COMMD10: variants seen among roughly 807,000 people sequenced by gnomAD.
COMMD10 encodes COMM domain containing 10, also known as COMM domain-containing protein 10.
A neutral mutation model predicts 28.9 loss-of-function variants in COMMD10; 33 were observed. The observed-to-expected ratio is 1.14, with a 90% CI of 0.87 to 1.53. COMMD10 has a LOEUF of 1.53. Ranked by LOEUF, COMMD10 falls within the 40% of genes most tolerant of loss-of-function variation. COMMD10 has a pLI of 0.00. For synonymous variants in COMMD10, 110 were observed against 81.7 expected (o/e 1.35, Z -1.87); for missense variants, 310 against 233.4 (o/e 1.33, Z -2.14).
intron 5 of COMMD10, among the ~76,000 whole-genome samples, chr5:116,220,350 C>G (rs985055484): frequency 1.3e-5 from 2 of 152,112 alleles, no homozygotes; most frequent in African/African-American, 4.8e-5. Flanking sequence ...TAAAGGAATT[C>G]TAAGCCCCTA....
chr5:116,165,683 T>C (rs1225531747), intron 5 of COMMD10, among the ~76,000 whole-genome samples: 3 of 151,170 alleles, frequency 2.0e-5, no homozygotes, highest in African/African-American at 7.4e-5. Flanking sequence ...CTCTGGTGTC[T>C]CTTATTGTTT....
At chr5:116,109,841 C>T (rs1750983520) in intron 4 of COMMD10, among the ~76,000 whole-genome samples, 1 of 152,178 alleles carries the variant, frequency 6.6e-6, no homozygotes, top group Non-Finnish European at 1.5e-5. Context: ...ATTTTACTTT[C>T]TCTTTTCCCA....
chr5:116,086,559 A>G (rs1192210898), intron 1 of COMMD10, among the ~76,000 whole-genome samples: 1 of 151,992 alleles, frequency 6.6e-6, no homozygotes, highest in Non-Finnish European at 1.5e-5. Flanking sequence ...CCTGTGTTCA[A>G]GCGATTCTCC....
intron 5 of COMMD10, among the ~76,000 whole-genome samples, chr5:116,241,494 G>C (rs192569061): frequency 1.3e-5 from 2 of 152,028 alleles, no homozygotes. Flanking sequence ...CAGACTGTAC[G>C]TAAGAATACT....
intron 5 of COMMD10, among the ~76,000 whole-genome samples, chr5:116,158,649 C>G (rs573063817): frequency 2.8e-4 from 43 of 151,738 alleles, no homozygotes; most frequent in African/African-American, 9.9e-4. Context: ...GACAGCAAAA[C>G]TTTTAAAATT....
At chr5:116,202,883 T>A (rs1372686407) in intron 5 of COMMD10, among the ~76,000 whole-genome samples, 1 of 152,132 alleles carries the variant, frequency 6.6e-6, no homozygotes, top group Non-Finnish European at 1.5e-5. Flanking sequence ...AGAAGCTCTT[T>A]GGTTTAATTA....
intron 5 of COMMD10, among the ~76,000 whole-genome samples, chr5:116,236,034 A>G (rs1168068365): frequency 1.3e-5 from 2 of 152,136 alleles, no homozygotes; most frequent in Non-Finnish European, 2.9e-5. Context: ...GCATTATGTT[A>G]CTTAGAAATA....
At chr5:116,126,813 A>T (rs748230806) in intron 4 of COMMD10, among the ~76,000 whole-genome samples, 1 of 152,232 alleles carries the variant, frequency 6.6e-6, no homozygotes, top group African/African-American at 2.4e-5. Context: ...ACCTAAAACC[A>T]TAAAAACCCT....
intron 5 of COMMD10, among the ~76,000 whole-genome samples, chr5:116,253,331 A>G (rs1194278642): frequency 6.9e-6 from 1 of 144,646 alleles, no homozygotes; most frequent in Admixed American, 6.8e-5. Context: ...TTCCAACACT[A>G]TGTTGAATAG....
At chr5:116,094,205 G>T (rs577914456) in intron 4 of COMMD10, among the ~76,000 whole-genome samples, 1 of 152,106 alleles carries the variant, frequency 6.6e-6, no homozygotes, top group African/African-American at 2.4e-5. Context: ...CTGTACATTA[G>T]AGGAAACAAT....
intron 5 of COMMD10, among the ~76,000 whole-genome samples, chr5:116,268,096 A>C (rs911596108): frequency 6.6e-6 from 1 of 151,904 alleles, no homozygotes; most frequent in African/African-American, 2.4e-5. Flanking sequence ...AAAATTGACA[A>C]ATGGGATCTA....
intron 5 of COMMD10, among the ~76,000 whole-genome samples, chr5:116,275,725 T>C (rs1270624433): frequency 3.3e-5 from 5 of 151,620 alleles, no homozygotes; most frequent in African/African-American, 1.2e-4. Flanking sequence ...AAGTATATAA[T>C]TAGAAAGTTG....
chr5:116,228,135 T>C (rs1269434747), intron 5 of COMMD10, among the ~76,000 whole-genome samples: 1 of 151,994 alleles, frequency 6.6e-6, no homozygotes, highest in Admixed American at 6.6e-5. Flanking sequence ...CATTCCTGCT[T>C]TCTTTAAATT....
chr5:116,102,239 C>G (rs1750690039), intron 4 of COMMD10, among the ~76,000 whole-genome samples: 1 of 152,092 alleles, frequency 6.6e-6, no homozygotes, highest in African/African-American at 2.4e-5. Flanking sequence ...TTTATATGAT[C>G]AGAGACAGGG....
At chr5:116,210,317 T>C (rs1748927404) in intron 5 of COMMD10, among the ~76,000 whole-genome samples, 1 of 150,558 alleles carries the variant, frequency 6.6e-6, no homozygotes, top group African/African-American at 2.4e-5. Flanking sequence ...ATTATGTATG[T>C]ATTTATATAT....
chr5:116,227,256 G>A (rs1330563859), intron 5 of COMMD10, among the ~76,000 whole-genome samples: 2 of 151,812 alleles, frequency 1.3e-5, no homozygotes, highest in East Asian at 1.9e-4. Flanking sequence ...TTGTTTTCTC[G>A]TTAATGGAGC....
intron 5 of COMMD10, among the ~76,000 whole-genome samples, chr5:116,219,257 G>A (rs902801400): frequency 1.3e-5 from 2 of 152,006 alleles, no homozygotes; most frequent in African/African-American, 4.8e-5. Context: ...TTCGTTAATG[G>A]CAGCCCTAGC....
chr5:116,159,095 T>C (rs1395400220), intron 5 of COMMD10, among the ~76,000 whole-genome samples: 4 of 152,218 alleles, frequency 2.6e-5, no homozygotes, highest in Admixed American at 2.6e-4. Flanking sequence ...TAGTGTGTTG[T>C]TCTCATAATA....
chr5:116,149,720 A>G (rs1366272441), intron 5 of COMMD10, among the ~76,000 whole-genome samples: 1 of 145,586 alleles, frequency 6.9e-6, no homozygotes, highest in African/African-American at 2.5e-5. Flanking sequence ...TTTTTCTTGT[A>G]AATTTGTTTG....
Sources: allele counts gnomAD v4.1 joint callset (sites outside exome capture counted in the v4.1 genomes callset), GRCh38; gene constraint gnomAD v4.1.1; transcripts MANE v1.5; gene names NCBI Gene and HGNC (gene_info 2026-07-23, HGNC 2026-07-21).